MPDZ: variants seen among roughly 807,000 people sequenced by gnomAD.
MPDZ encodes the protein multiple PDZ domain crumbs cell polarity complex component.
Under a neutral mutation model 239.1 loss-of-function variants are expected in MPDZ, and 234 were observed. That is an observed-to-expected ratio of 0.98 (90% CI 0.88 to 1.09). The LOEUF is 1.09. MPDZ is among the 50% of genes least tolerant of loss of function. MPDZ has a pLI of 0.00. For synonymous variants in MPDZ, 1,048 were observed against 881.3 expected (o/e 1.19, Z -3.35); for missense variants, 3,175 against 2,510.0 (o/e 1.26, Z -5.66).
intron 40 of MPDZ, among the ~76,000 whole-genome samples, chr9:13,114,666 C>T (rs1390119717): frequency 6.6e-6 from 1 of 152,084 alleles, no homozygotes; most frequent in Non-Finnish European, 1.5e-5. Flanking sequence ...CTTTGGGAGG[C>T]TGAGGCGGGT....
chr9:13,217,028 A>G (rs893666867), intron 9 of MPDZ, among the ~76,000 whole-genome samples, 152 bp downstream of exon 9: 10 of 152,068 alleles, frequency 6.6e-5, no homozygotes, highest in Non-Finnish European at 1.2e-4. Flanking sequence ...TAAATACAAT[A>G]TAAGAGTCAC....
At chr9:13,189,236 C>T (rs1187821753) in intron 16 of MPDZ, among the ~76,000 whole-genome samples, 2 of 152,098 alleles carry the variant, frequency 1.3e-5, no homozygotes. Context: ...GAGTAGACCT[C>T]TTAAATTGTA....
chr9:13,279,251 A>ACCCCCACCCCCC (rs1975037063), intron 1 of MPDZ, 149 bp downstream of exon 1: 3 of 34,992 alleles, frequency 8.6e-5, no homozygotes, highest in African/African-American at 2.8e-4. Flanking sequence ...CGCCACCCCT[A>ACCCCCACCCCCC]CCCCCACCCC....
At chr9:13,167,493 C>T (rs994389426) in intron 22 of MPDZ, among the ~76,000 whole-genome samples, 2 of 152,044 alleles carry the variant, frequency 1.3e-5, no homozygotes, top group African/African-American at 4.8e-5. Flanking sequence ...CCTAGCAATA[C>T]ATACTTTGCA....
intron 3 of MPDZ, among the ~76,000 whole-genome samples, chr9:13,237,978 G>C (rs1226573938): frequency 6.6e-6 from 1 of 152,146 alleles, no homozygotes; most frequent in Non-Finnish European, 1.5e-5. Flanking sequence ...CTGTAGTAGA[G>C]AGTGAAATAC....
At chr9:13,187,904 A>T (rs778606189) in intron 17 of MPDZ, among the ~76,000 whole-genome samples, 1 of 152,180 alleles carries the variant, frequency 6.6e-6, no homozygotes, top group Non-Finnish European at 1.5e-5. Context: ...ACGGATTCAT[A>T]AAGTTGTTTC....
chr9:13,113,243 A>C (rs1361685219), intron 41 of MPDZ, among the ~76,000 whole-genome samples, 189 bp from the exon 42 acceptor site: 2 of 152,212 alleles, frequency 1.3e-5, no homozygotes, highest in South Asian at 2.1e-4. Flanking sequence ...CAGTTGGAAA[A>C]ACGTGTATAC....
intron 19 of MPDZ, among the ~76,000 whole-genome samples, chr9:13,178,866 G>A (rs541601037): frequency 3.9e-5 from 6 of 152,204 alleles, no homozygotes; most frequent in South Asian, 2.1e-4. Context: ...GTGCTTTTGC[G>A]TTTTATATAT....
intron 3 of MPDZ, among the ~76,000 whole-genome samples, chr9:13,246,417 G>A (rs191789276): frequency 5.3e-5 from 8 of 152,290 alleles, no homozygotes; most frequent in Admixed American, 3.9e-4. Flanking sequence ...ACTGCAACCT[G>A]AGTGGCAGAA....
intron 18 of MPDZ, 131 bp downstream of exon 18, chr9:13,186,139 A>G (rs1340684712): frequency 4.4e-6 from 2 of 451,352 alleles, no homozygotes; most frequent in African/African-American, 4.0e-5. Context: ...ACTAAGTTGG[A>G]GAAAACATGT....
At chr9:13,117,288 T>A (rs1943608463) in intron 39 of MPDZ, among the ~76,000 whole-genome samples, 1 of 152,048 alleles carries the variant, frequency 6.6e-6, no homozygotes, top group African/African-American at 2.4e-5. Flanking sequence ...TCATGACACT[T>A]TGGGAGGCCG....
At chr9:13,134,776 C>T (rs190326553) in intron 31 of MPDZ, 1 of 152,390 alleles carries the variant, frequency 6.6e-6, no homozygotes, top group Admixed American at 6.5e-5. Context: ...AGTTACCACA[C>T]CCAAGGGACT....
In MPDZ at chr9:13,216,859, G is replaced by A. The variant is rs1310807967; in HGVS notation, c.1205C>T (p.Pro402Leu). The change falls in exon 10 of 47, where the codon CCT (proline) becomes CTT (leucine). Residue 402 changes from proline (P) to leucine (L), a missense_variant. Physicochemically the swap from Pro to Leu is moderately conservative, Grantham distance 98. Transcript: ENST00000319217. ...AATGCTCTTTACAAAGATTCCTGAA[G>A]GTTCTAAGATTAGAAATAGTTTATT... ...AGYIGDKKLE[P>L]SGIFVKSITK... is the part of the protein sequence containing the mutation. 3.1e-6 allele frequency: 5 copies of A among 1,606,746 alleles called. No homozygotes were observed. Among genetic ancestry groups the A allele is most frequent in the Middle Eastern group, 1.7e-4 (1 of 6,030 alleles).
At chr9:13,188,375 A>G (rs953839678) in intron 17 of MPDZ, among the ~76,000 whole-genome samples, 1 of 151,944 alleles carries the variant, frequency 6.6e-6, no homozygotes, top group Non-Finnish European at 1.5e-5. Flanking sequence ...AAAATTAGCC[A>G]GGCATGGTCG....
intron 42 of MPDZ, 140 bp from the exon 43 acceptor site, chr9:13,112,286 T>C: frequency 1.2e-6 from 1 of 823,340 alleles, no homozygotes; most frequent in Non-Finnish European, 1.8e-6. Flanking sequence ...GAAAACTGCA[T>C]TACTTTACTT....
intron 19 of MPDZ, among the ~76,000 whole-genome samples, chr9:13,177,139 A>AT (rs1172512362): frequency 2.0e-5 from 3 of 152,160 alleles, no homozygotes; most frequent in African/African-American, 7.2e-5. Context: ...ATAAATATGT[A>AT]TATCTACTTA....
intron 13 of MPDZ, among the ~76,000 whole-genome samples, chr9:13,195,254 C>T (rs1955499846): frequency 6.6e-6 from 1 of 152,106 alleles, no homozygotes; most frequent in Admixed American, 6.6e-5. Flanking sequence ...CACCACTGCA[C>T]TCCAGCCTGG....
At chr9:13,220,227 C>G (rs916228433) in intron 7 of MPDZ, among the ~76,000 whole-genome samples, 1 of 151,850 alleles carries the variant, frequency 6.6e-6, no homozygotes, top group Non-Finnish European at 1.5e-5. Context: ...TTATAAATGT[C>G]CCAAAAGAAC....
At chr9:13,242,861 G>C (rs1039738447) in intron 3 of MPDZ, among the ~76,000 whole-genome samples, 1 of 152,158 alleles carries the variant, frequency 6.6e-6, no homozygotes, top group African/African-American at 2.4e-5. Context: ...ATGTTTAACA[G>C]CATCACTGAA....
Sources: gnomAD v4.1 joint callset for allele counts (sites outside exome capture counted in the v4.1 genomes callset) on GRCh38, gnomAD v4.1.1 for gene constraint, MANE v1.5 for transcripts, NCBI Gene and HGNC (gene_info 2026-07-23, HGNC 2026-07-21) for gene names.